Variants in THSD7A observed in about 807,000 individuals in gnomAD.
THSD7A encodes thrombospondin type 1 domain containing 7A.
Under a neutral mutation model 231.3 loss-of-function variants are expected in THSD7A, and 96 were observed. That is an observed-to-expected ratio of 0.41 (90% confidence interval 0.35 to 0.49). THSD7A has a LOEUF of 0.49. Among genes scored for constraint, THSD7A ranks in the 20% least tolerant of loss-of-function variants. THSD7A has a pLI of 0.05. For missense variants in THSD7A, 2,290 were observed against 2,070.2 expected, an observed-to-expected ratio of 1.11 and a Z score of -2.06; for synonymous variants, 940 against 743.3, an observed-to-expected ratio of 1.26 and a Z score of -4.30.
intron 4 of THSD7A, among the ~76,000 whole-genome samples, chr7:11,580,535 A>G (rs60): frequency 0.72 from 110,091 of 152,014 alleles, 40,338 homozygotes; most frequent in Admixed American, 0.83. Context: ...AAAAATCACC[A>G]GAAAATACTA....
At chr7:11,551,994 A>G (rs1477714920) in intron 4 of THSD7A, among the ~76,000 whole-genome samples, 1 of 152,044 alleles carries the variant, frequency 6.6e-6, no homozygotes, top group East Asian at 1.9e-4. Flanking sequence ...ACAAAAAAAG[A>G]AAGAAATCAT....
intron 6 of THSD7A, among the ~76,000 whole-genome samples, chr7:11,515,219 C>T (rs1393784894): frequency 6.6e-6 from 1 of 152,146 alleles, no homozygotes; most frequent in African/African-American, 2.4e-5. Flanking sequence ...TCATTAGACT[C>T]TGTATCAACC....
In THSD7A at chr7:11,474,278, C is replaced by T. The variant is rs752527174; in HGVS notation, c.2252+56G>A. 1.4e-6 allele frequency: 2 copies of T among 1,442,578 alleles called. No individual in the cohort carries two copies. Among genetic ancestry groups the T allele is most frequent in the South Asian group, 1.3e-5 (1 of 76,370 alleles). 89.4% of individuals were successfully genotyped at this position (1,442,578 alleles called of 1,614,324 possible). A position where few individuals can be genotyped will look rare whatever the true frequency, so the allele number is the denominator to read the frequency against. On this transcript the variant is annotated intron_variant, in intron 8 of 27. Transcript: ENST00000423059. This position sits in a 1 kb window ranked among gnomAD's most constrained non-coding sequence, Gnocchi z 4.1. ...TTTCATGAAGCCAGTGAAGCCTGAG[C>T]CAATCCTCTGCACAGGTGGCTACAC...
chr7:11,580,664 T>C (rs988005113), intron 4 of THSD7A, among the ~76,000 whole-genome samples: 1 of 152,054 alleles, frequency 6.6e-6, no homozygotes, highest in African/African-American at 2.4e-5. Flanking sequence ...TTCTTACTTA[T>C]AGGTGGAAGC....
chr7:11,811,862 T>C (rs1311544778), intron 1 of THSD7A, among the ~76,000 whole-genome samples: 2 of 152,236 alleles, frequency 1.3e-5, no homozygotes, highest in East Asian at 1.9e-4. Flanking sequence ...ATTCTCCCTT[T>C]AAAGGACACA....
intron 1 of THSD7A, among the ~76,000 whole-genome samples, chr7:11,763,761 G>A (rs1216146382): frequency 6.6e-6 from 1 of 151,980 alleles, no homozygotes; most frequent in Non-Finnish European, 1.5e-5. Flanking sequence ...TGCCTTTCTA[G>A]GAAAATGATA....
At chr7:11,656,906 C>A (rs532766011) in intron 1 of THSD7A, among the ~76,000 whole-genome samples, 1 of 151,760 alleles carries the variant, frequency 6.6e-6, no homozygotes, top group South Asian at 2.1e-4. Context: ...TGTTATTTTC[C>A]TTTTTTAAAA....
At chr7:11,589,694 G>C (rs1361467070) in intron 4 of THSD7A, among the ~76,000 whole-genome samples, 1 of 152,194 alleles carries the variant, frequency 6.6e-6, no homozygotes, top group Non-Finnish European at 1.5e-5. Context: ...TCCTCAGACA[G>C]AAGGAGGATA....
chr7:11,753,820 T>C (rs866676746), intron 1 of THSD7A, among the ~76,000 whole-genome samples: 10 of 151,772 alleles, frequency 6.6e-5, no homozygotes, highest in Non-Finnish European at 1.5e-4. Context: ...GAGAGAAACA[T>C]AAATTACCAA....
chr7:11,796,584 T>A (rs1784132993), intron 1 of THSD7A, among the ~76,000 whole-genome samples: 1 of 152,180 alleles, frequency 6.6e-6, no homozygotes, highest in East Asian at 1.9e-4. Context: ...TGTGTGTTTT[T>A]TTTTCATTTA....
intron 1 of THSD7A, among the ~76,000 whole-genome samples, chr7:11,798,529 A>T (rs1034863938): frequency 1.3e-5 from 2 of 152,068 alleles, no homozygotes; most frequent in Non-Finnish European, 2.9e-5. Flanking sequence ...ATATGCAAAT[A>T]AAAATTGTAC....
intron 1 of THSD7A, among the ~76,000 whole-genome samples, chr7:11,669,865 C>A (rs1783304795): frequency 6.6e-6 from 1 of 151,966 alleles, no homozygotes; most frequent in African/African-American, 2.4e-5. Context: ...GATGGAGTTT[C>A]ATCTTGGACT....
intron 4 of THSD7A, among the ~76,000 whole-genome samples, chr7:11,566,058 C>T (rs1449509911): frequency 6.6e-6 from 1 of 152,100 alleles, no homozygotes; most frequent in Non-Finnish European, 1.5e-5. Flanking sequence ...AAAAAAATAG[C>T]AGTAAGGCTT....
chr7:11,389,146 C>T (rs1401852566), intron 23 of THSD7A, among the ~76,000 whole-genome samples: 3 of 152,180 alleles, frequency 2.0e-5, no homozygotes, highest in African/African-American at 7.2e-5. Flanking sequence ...GAGTTCAAGT[C>T]AAGTCCTGAA....
intron 11 of THSD7A, among the ~76,000 whole-genome samples, chr7:11,448,806 C>A (rs1188978541): frequency 6.6e-6 from 1 of 152,064 alleles, no homozygotes; most frequent in Non-Finnish European, 1.5e-5. Flanking sequence ...GGATGCACTT[C>A]CCTATTTCTT....
intron 1 of THSD7A, among the ~76,000 whole-genome samples, chr7:11,723,634 G>A (rs953437556): frequency 6.6e-6 from 1 of 151,846 alleles, no homozygotes; most frequent in Non-Finnish European, 1.5e-5. Context: ...TTTACTTGGA[G>A]CTATGTCCAG....
chr7:11,443,970 C>T (rs970344108), intron 13 of THSD7A, among the ~76,000 whole-genome samples: 1 of 151,968 alleles, frequency 6.6e-6, no homozygotes, highest in Non-Finnish European at 1.5e-5. Flanking sequence ...AGAAAAAACC[C>T]CATCCAAAAG....
chr7:11,491,481 G>C (rs902970373), intron 6 of THSD7A, among the ~76,000 whole-genome samples: 2 of 151,976 alleles, frequency 1.3e-5, no homozygotes, highest in African/African-American at 2.4e-5. Context: ...GCTATACACA[G>C]CTACATTTGG....
chr7:11,717,024 C>T lies in THSD7A; in HGVS notation c.191-80063G>A, dbSNP rs78187292. Among the ~76,000 whole-genome samples, 368 of 151,732 alleles carry T rather than the reference C, an allele frequency of 2.4e-3. 1 individual carries two copies. The highest frequency in any genetic ancestry group is 8.5e-3 in the African/African-American group (353 of 41,474). ...TCAAATCTCTTCCTTCTGAAAACAG[C>T]TCACTTCCCCAAGAGTTCCATTTGC... On this transcript the variant is annotated intron_variant, in intron 1 of 27. Transcript: ENST00000423059.
Sources: allele counts gnomAD v4.1 joint callset (sites outside exome capture counted in the v4.1 genomes callset), GRCh38; gene constraint gnomAD v4.1.1; non-coding constraint Gnocchi (gnomAD v3.1); transcripts MANE v1.5; gene names NCBI Gene and HGNC (gene_info 2026-07-23, HGNC 2026-07-21).